Variants in NCKAP5 observed in about 807,000 individuals in gnomAD.
NCKAP5 encodes NCK associated protein 5.
In NCKAP5, 92 loss-of-function variants were observed where a neutral mutation model predicts 167.0. That is an observed-to-expected ratio of 0.55 (90% CI 0.47 to 0.66). The LOEUF (loss-of-function observed/expected upper bound fraction) is 0.66, where lower values mean the gene tolerates loss of function less well. Ranked by LOEUF, NCKAP5 falls within the 30% of genes least tolerant of loss-of-function variation. NCKAP5 has a pLI of 0.00. For missense variants in NCKAP5, 2,378 were observed against 2,315.0 expected (o/e 1.03, Z -0.56); for synonymous variants, 891 against 877.4 (o/e 1.02, Z -0.27).
At chr2:133,652,130 G>A in the NCKAP5 span, among the ~76,000 whole-genome samples, 11 of 152,124 alleles carry the variant, frequency 7.2e-5, 1 homozygote, top group Admixed American at 2.6e-4. Context: ...GAAGGCACCT[G>A]ATAAGTATAC....
chr2:133,336,599 T>C (rs1259691546), intron 3 of NCKAP5, among the ~76,000 whole-genome samples: 2 of 152,104 alleles, frequency 1.3e-5, no homozygotes, highest in Admixed American at 6.5e-5. Flanking sequence ...AAACAAACAA[T>C]ATTTTCATAT....
At chr2:133,011,931 G>A (rs1183998603) in intron 6 of NCKAP5, among the ~76,000 whole-genome samples, 4 of 152,090 alleles carry the variant, frequency 2.6e-5, no homozygotes, top group African/African-American at 9.7e-5. Context: ...GCCCTCTTTT[G>A]CATGGCTATT....
At chr2:132,781,887 A>T (rs6717116) in intron 14 of NCKAP5, 53 bp downstream of exon 14, 745,994 of 1,508,822 alleles carry the variant, frequency 0.49, 186,879 homozygotes, top group East Asian at 0.73. Flanking sequence ...CAACTCTTTT[A>T]AAGGTGGTGG....
At chr2:132,911,413 C>A (rs6754684) in intron 8 of NCKAP5, among the ~76,000 whole-genome samples, 16,808 of 152,164 alleles carry the variant, frequency 0.11, 2,476 homozygotes, top group African/African-American at 0.33. Context: ...GACTTTTTGG[C>A]AAATTTTAGT....
chr2:133,161,028 T>C (rs766839882), intron 5 of NCKAP5, among the ~76,000 whole-genome samples: 2 of 152,084 alleles, frequency 1.3e-5, no homozygotes, highest in Non-Finnish European at 2.9e-5. Context: ...AGAGCAAGCA[T>C]TGCCACCTGA....
chr2:133,316,459 C>T (rs1213240276), intron 3 of NCKAP5, among the ~76,000 whole-genome samples: 1 of 152,074 alleles, frequency 6.6e-6, no homozygotes, highest in African/African-American at 2.4e-5. Context: ...AATTTTGTTT[C>T]GTTTTTATAT....
intron 5 of NCKAP5, among the ~76,000 whole-genome samples, chr2:133,140,594 GTC>G (rs2082960925): frequency 6.6e-6 from 1 of 151,988 alleles, no homozygotes; most frequent in Non-Finnish European, 1.5e-5. Context: ...CAACTCTGAT[GTC>G]TCTCTTACTT....
chr2:132,929,951 T>TCA (rs1442391091), intron 8 of NCKAP5: 1 of 152,194 alleles, frequency 6.6e-6, no homozygotes, highest in Non-Finnish European at 1.5e-5. Flanking sequence ...GTTGTGTAGC[T>TCA]CACACAAGTT....
At chr2:133,361,599 G>A (rs1326818910) in intron 3 of NCKAP5, among the ~76,000 whole-genome samples, 5 of 152,180 alleles carry the variant, frequency 3.3e-5, no homozygotes, top group East Asian at 1.9e-4. Context: ...GAAAACGGAC[G>A]TGAGCTTAAT....
chr2:132,760,919 T>A (rs2104855798), intron 16 of NCKAP5, among the ~76,000 whole-genome samples: 1 of 152,314 alleles, frequency 6.6e-6, no homozygotes, highest in East Asian at 1.9e-4. Context: ...GAAACACAAC[T>A]GGGACCCTTT....
chr2:132,743,573 A>C (rs1227010631), intron 16 of NCKAP5, among the ~76,000 whole-genome samples: 2 of 151,730 alleles, frequency 1.3e-5, no homozygotes, highest in Admixed American at 6.6e-5. Context: ...AGAGGAAATA[A>C]AGCAGAATCA....
At chr2:133,040,446 T>C (rs1160166077) in intron 6 of NCKAP5, among the ~76,000 whole-genome samples, 2 of 152,200 alleles carry the variant, frequency 1.3e-5, no homozygotes, top group Admixed American at 6.6e-5. Context: ...ATCAGAGACA[T>C]GGCATTATCT....
At chr2:132,804,980 A>C (rs1685323342) in intron 11 of NCKAP5, among the ~76,000 whole-genome samples, 1 of 152,010 alleles carries the variant, frequency 6.6e-6, no homozygotes, top group Admixed American at 6.6e-5. Context: ...AATCCTATGG[A>C]AGTAGCTTAT....
At chr2:132,737,008 T>C (rs768214856) in intron 16 of NCKAP5, among the ~76,000 whole-genome samples, 6 of 152,196 alleles carry the variant, frequency 3.9e-5, no homozygotes, top group Non-Finnish European at 8.8e-5. Flanking sequence ...GCCTTCTCTC[T>C]GTCTCTCAAG....
intron 8 of NCKAP5, 72 bp from the exon 9 acceptor site, chr2:132,878,988 A>T: frequency 8.3e-7 from 1 of 1,200,902 alleles, no homozygotes; most frequent in Non-Finnish European, 1.2e-6. Context: ...TATTCCATAC[A>T]GTTACTAAAT....
intron 19 of NCKAP5, among the ~76,000 whole-genome samples, chr2:132,679,883 CAA>C (rs919901756): frequency 1.3e-5 from 2 of 152,104 alleles, no homozygotes; most frequent in Non-Finnish European, 2.9e-5. Context: ...GTGCACATCT[CAA>C]AGTCTATGTT....
intron 6 of NCKAP5, among the ~76,000 whole-genome samples, chr2:133,066,312 G>A (rs2080194095): frequency 6.6e-6 from 1 of 152,162 alleles, no homozygotes; most frequent in Non-Finnish European, 1.5e-5. Context: ...TTCAATAAGT[G>A]TTCCTTGTTC....
At chr2:133,031,538 C>A (rs1428541474) in intron 6 of NCKAP5, among the ~76,000 whole-genome samples, 1 of 152,114 alleles carries the variant, frequency 6.6e-6, no homozygotes, top group African/African-American at 2.4e-5. Context: ...ATAAGGATTG[C>A]AACTTTTAGG....
intron 3 of NCKAP5, among the ~76,000 whole-genome samples, chr2:133,491,278 C>T (rs1047095669): frequency 7.9e-5 from 12 of 152,240 alleles, no homozygotes; most frequent in East Asian, 1.9e-4. Context: ...ATGTAATGTC[C>T]GGGAATGACC....
Sources: gnomAD v4.1 joint callset for allele counts (sites outside exome capture counted in the v4.1 genomes callset) on GRCh38, gnomAD v4.1.1 for gene constraint, MANE v1.5 for transcripts, NCBI Gene and HGNC (gene_info 2026-07-23, HGNC 2026-07-21) for gene names.